HSPA14: variants seen among roughly 807,000 people sequenced by gnomAD.
The protein encoded by HSPA14 is heat shock protein family A (Hsp70) member 14, also known as heat shock 70 kDa protein 14.
A neutral mutation model predicts 65.5 loss-of-function variants in HSPA14; 37 were observed. That is an observed-to-expected ratio of 0.56 (90% CI 0.43 to 0.74). HSPA14 has a LOEUF of 0.74. Among genes scored for constraint, HSPA14 ranks in the 30% least tolerant of loss-of-function variants. The probability of loss-of-function intolerance (pLI) is 0.00; values close to 1 mark genes in which losing one functional copy is unlikely to be tolerated. For missense variants in HSPA14, 564 were observed against 607.6 expected (o/e 0.93, Z 0.75); for synonymous variants, 203 against 214.2 (o/e 0.95, Z 0.46).
At chr10:14,850,474 C>G (rs1424936655) in intron 6 of HSPA14, among the ~76,000 whole-genome samples, 1 of 152,202 alleles carries the variant, frequency 6.6e-6, no homozygotes, top group Non-Finnish European at 1.5e-5. Context: ...ATCTTAACAT[C>G]TAAACAGAAA....
intron 10 of HSPA14, among the ~76,000 whole-genome samples, chr10:14,861,115 G>C (rs1832746826): frequency 1.3e-5 from 2 of 152,180 alleles, no homozygotes; most frequent in South Asian, 4.1e-4. Flanking sequence ...TTGTAGGGGA[G>C]CTGTGGAGAT....
intron 3 of HSPA14, chr10:14,845,954 T>C: frequency 3.4e-6 from 3 of 871,570 alleles, no homozygotes; most frequent in Non-Finnish European, 4.1e-6. Flanking sequence ...AAATTTGAAA[T>C]AGCATAATAA....
chr10:14,842,261 C>A lies in HSPA14; in HGVS notation c.221+2104C>A. 1.3e-6 allele frequency: 2 copies of A among 1,534,972 alleles called. No homozygotes were observed. The highest frequency in any genetic ancestry group is 1.7e-6 in the Non-Finnish European group (2 of 1,146,016). Reference sequence around the variant, plus strand: ...CTTGCACCTTGCTGTCCAGAAGCTGCCTAGCCCTCCTTTCCAACCCACAAT... The same window carrying A: ...CTTGCACCTTGCTGTCCAGAAGCTGACTAGCCCTCCTTTCCAACCCACAAT... On this transcript the variant is annotated intron_variant, in intron 3 of 13. Transcript: ENST00000378372. The surrounding 1 kb of genome is among the most constrained non-coding windows in gnomAD (Gnocchi z 5.2).
chr10:14,861,319 CA>C (rs1832748713), intron 10 of HSPA14, among the ~76,000 whole-genome samples: 1 of 152,108 alleles, frequency 6.6e-6, no homozygotes, highest in Non-Finnish European at 1.5e-5. Context: ...TGTCCAAAAA[CA>C]AATGTAAGTT....
chr10:14,846,192 A>G, intron 3 of HSPA14: 2 of 985,226 alleles, frequency 2.0e-6, no homozygotes, highest in Non-Finnish European at 2.4e-6. Context: ...CAATTGTCTT[A>G]GGCTATTATA....
At chr10:14,849,575 A>G in intron 5 of HSPA14, 146 bp from the exon 6 acceptor site, 1 of 713,390 alleles carries the variant, frequency 1.4e-6, no homozygotes, top group Non-Finnish European at 2.6e-6. Context: ...GAGCGCAGAG[A>G]AGAAAATTGA....
chr10:14,851,008 G>T, intron 6 of HSPA14: 1 of 411,128 alleles, frequency 2.4e-6, no homozygotes, highest in Non-Finnish European at 4.3e-6. Context: ...GAAGAATATG[G>T]GCTCTGAACA....
chr10:14,870,701 CAATTT>C (rs1832846695), intron 13 of HSPA14, 34 bp downstream of exon 13: 2 of 1,487,676 alleles, frequency 1.3e-6, no homozygotes. Context: ...TAAGAAAATT[CAATTT>C]GATACTTGAC....
intron 10 of HSPA14, among the ~76,000 whole-genome samples, chr10:14,866,295 G>C (rs1170534611): frequency 2.6e-5 from 4 of 152,162 alleles, no homozygotes; most frequent in Non-Finnish European, 5.9e-5. Flanking sequence ...GAGATTAATA[G>C]GGTGTCCCTC....
chr10:14,839,992 G>C lies in HSPA14; in HGVS notation c.138+7G>C. On this transcript the variant is annotated splice_region_variant and intron_variant, in intron 2 of 13. Transcript: ENST00000378372. ...TTACTCAGAAAATGAAGAGGTACTA[G>C]TCCCCCCATTTTTGTACTTCTGAAA... The C allele has an allele frequency of 1.2e-6, 2 of 1,600,364 alleles. No individual in the cohort carries two copies. The highest frequency in any genetic ancestry group is 1.7e-6 in the Non-Finnish European group (2 of 1,170,816).
intron 11 of HSPA14, among the ~76,000 whole-genome samples, 180 bp downstream of exon 11, chr10:14,867,475 T>C (rs1180924422): frequency 1.3e-5 from 2 of 152,224 alleles, no homozygotes; most frequent in African/African-American, 2.4e-5. Context: ...TCTTATATTC[T>C]TTTAGTTAAT....
At chr10:14,840,732 A>G (rs1324742267) in intron 3 of HSPA14, among the ~76,000 whole-genome samples, 2 of 152,230 alleles carry the variant, frequency 1.3e-5, no homozygotes, top group Non-Finnish European at 2.9e-5. Flanking sequence ...TGTCTCCTCA[A>G]ATTATAGATT....
chr10:14,843,479 C>G, intron 3 of HSPA14: 1 of 1,550,572 alleles, frequency 6.4e-7, no homozygotes, highest in Non-Finnish European at 8.7e-7. Flanking sequence ...TCCGGGGAGC[C>G]CAGCCCCTGC....
At chr10:14,847,549 T>C (rs908523201) in intron 3 of HSPA14, among the ~76,000 whole-genome samples, 3 of 152,210 alleles carry the variant, frequency 2.0e-5, no homozygotes, top group South Asian at 2.1e-4. Flanking sequence ...TCTTGTCCTA[T>C]TGATATTTTA....
chr10:14,852,614 G>A, intron 8 of HSPA14, 83 bp downstream of exon 8: 2 of 1,130,732 alleles, frequency 1.8e-6, no homozygotes, highest in Non-Finnish European at 2.5e-6. Context: ...TTTATTTTAA[G>A]TTATCCTGCT....
At position 14,838,382 on chromosome 10, in the gene HSPA14, C is replaced by T. The variant is rs770780505; in HGVS notation, c.-21C>T. On this transcript the variant is annotated 5_prime_UTR_variant, in exon 1 of 14. Coordinates refer to ENST00000378372, the MANE Select transcript of HSPA14 (RefSeq NM_016299.4). ...TGTTGGGGGACCCCCTCATTCCTGC[C>T]GCTGCCGTCCCTGCTGCCTCATGGC... 26 of 1,593,814 alleles carry T rather than the reference C, an allele frequency of 1.6e-5. No individual in the cohort carries two copies. The highest frequency in any genetic ancestry group is 4.5e-5 in the East Asian group (2 of 44,328).
chr10:14,869,419 C>A (rs977212143), intron 12 of HSPA14, among the ~76,000 whole-genome samples: 2 of 152,000 alleles, frequency 1.3e-5, no homozygotes, highest in African/African-American at 4.8e-5. Context: ...GCCTCAGCCT[C>A]CGGAGTAGCT....
rs1834044926 is a variant in HSPA14 at position 14,845,935 on chromosome 10, G to T, written c.222-2674G>T. The T allele has an allele frequency of 8.9e-6, 7 of 786,744 alleles. No homozygotes were observed. The South Asian group carries it at 2.9e-4, about 33-fold the overall frequency. The allele number at this position is 786,744 out of a possible 1,614,324, so 48.7% of individuals were successfully genotyped here. A position where few individuals can be genotyped will look rare whatever the true frequency, so the allele number is the denominator to read the frequency against. The stretch of plus-strand genomic sequence containing the variant: ...ATTTTTTTTTTCCTAGTACCTTCCA[G>T]CTCTAAAAAAATTTGAAATAGCATA... On this transcript the variant is annotated intron_variant, in intron 3 of 13. Transcript: ENST00000378372.
intron 3 of HSPA14, 115 bp downstream of exon 3, chr10:14,840,272 G>T: frequency 2.3e-6 from 1 of 428,636 alleles, no homozygotes; most frequent in East Asian, 4.4e-5. Context: ...TGCTTTTTAT[G>T]ACTGAGTCAT....
Sources: gnomAD v4.1 joint callset for allele counts (sites outside exome capture counted in the v4.1 genomes callset) on GRCh38, gnomAD v4.1.1 for gene constraint, Gnocchi (gnomAD v3.1) non-coding constraint, MANE v1.5 for transcripts, NCBI Gene and HGNC (gene_info 2026-07-23, HGNC 2026-07-21) for gene names.